Variants in ZMYND8 observed in about 807,000 individuals in gnomAD.
ZMYND8 encodes MYND-type zinc finger-containing chromatin reader ZMYND8.
A neutral mutation model predicts 140.8 loss-of-function variants in ZMYND8; 37 were observed. The ratio of observed to expected loss-of-function variants is 0.26; its 90% CI spans 0.20 to 0.35. The LOEUF is 0.35. ZMYND8 is among the 10% of genes least tolerant of loss of function. ZMYND8 has a pLI of 1.00. For missense variants in ZMYND8, 1,068 were observed against 1,570.0 expected (o/e 0.68, Z 5.40); for synonymous variants, 592 against 597.1 (o/e 0.99, Z 0.12).
At chr20:47,319,031 A>G in intron 2 of ZMYND8, 2 of 1,351,114 alleles carry the variant, frequency 1.5e-6, no homozygotes, top group South Asian at 1.1e-5. Flanking sequence ...CACAGCAGAC[A>G]TTCCTGCTTC....
intron 2 of ZMYND8, among the ~76,000 whole-genome samples, chr20:47,334,286 G>GT (rs369104680): frequency 9.7e-4 from 148 of 152,264 alleles, no homozygotes; most frequent in African/African-American, 3.5e-3. Context: ...TGTTTGTACT[G>GT]AACTGTCACT....
intron 8 of ZMYND8, among the ~76,000 whole-genome samples, chr20:47,284,161 G>A (rs990701763): frequency 2.6e-5 from 4 of 152,100 alleles, no homozygotes; most frequent in Non-Finnish European, 2.9e-5. Context: ...GGCCTCAAGC[G>A]ATCCACCCGT....
chr20:47,302,925 C>T (rs2078176965), intron 3 of ZMYND8, among the ~76,000 whole-genome samples: 1 of 152,226 alleles, frequency 6.6e-6, no homozygotes, highest in South Asian at 2.1e-4. Context: ...ACACTGGGGG[C>T]CAGAAAAGTA....
At chr20:47,345,648 T>C (rs974232656) in intron 2 of ZMYND8, among the ~76,000 whole-genome samples, 3 of 151,970 alleles carry the variant, frequency 2.0e-5, no homozygotes, top group Admixed American at 2.0e-4. Flanking sequence ...ACTGGGATTA[T>C]AGGCACATGC....
chr20:47,306,516 A>T (rs1487724592), intron 3 of ZMYND8, among the ~76,000 whole-genome samples: 1 of 151,786 alleles, frequency 6.6e-6, no homozygotes, highest in African/African-American at 2.4e-5. Context: ...CTCATCCCAT[A>T]TTTTCACATG....
intron 5 of ZMYND8, among the ~76,000 whole-genome samples, chr20:47,292,617 A>T (rs1392249261): frequency 6.6e-6 from 1 of 151,498 alleles, no homozygotes; most frequent in Non-Finnish European, 1.5e-5. Flanking sequence ...TTTTTTTTTT[A>T]AAGATATAAA....
At chr20:47,303,928 A>T (rs892952676) in intron 3 of ZMYND8, among the ~76,000 whole-genome samples, 1 of 152,210 alleles carries the variant, frequency 6.6e-6, no homozygotes, top group Non-Finnish European at 1.5e-5. Context: ...TCCTTTCCTG[A>T]AACAGCAGCA....
At chr20:47,320,955 G>A (rs1353207259) in intron 2 of ZMYND8, among the ~76,000 whole-genome samples, 1 of 152,166 alleles carries the variant, frequency 6.6e-6, no homozygotes, top group Non-Finnish European at 1.5e-5. Context: ...GCATAGACGG[G>A]CATGGTCCAA....
rs533625654 is a variant in ZMYND8, at chr20:47,298,014, C to G, written c.453+715G>C. Among the ~76,000 whole-genome samples the G allele has an allele frequency of 1.3e-5, 2 of 152,316 alleles. No homozygotes were observed. Among genetic ancestry groups the G allele is most frequent in the East Asian group, 3.9e-4 (2 of 5,182 alleles). ...GGCTCACTCCTCTCTTTCATCAAGTCTTTCTCAAATTTTAGTGAGGCTTTC... is the reference window on the plus strand; with the variant it reads ...GGCTCACTCCTCTCTTTCATCAAGTGTTTCTCAAATTTTAGTGAGGCTTTC... On this transcript the variant is annotated intron_variant, in intron 4 of 22. Transcript: ENST00000471951. This position sits in a 1 kb window ranked among gnomAD's most constrained non-coding sequence, Gnocchi z 5.0.
At chr20:47,282,322 T>C (rs1192044923) in intron 9 of ZMYND8, 105 bp from the exon 10 acceptor site, 3 of 933,584 alleles carry the variant, frequency 3.2e-6, no homozygotes, top group African/African-American at 3.3e-5. Context: ...ACACAGGCCA[T>C]GAGTGGAAAA....
chr20:47,283,706 T>C, intron 8 of ZMYND8, 58 bp from the exon 9 acceptor site: 1 of 1,515,318 alleles, frequency 6.6e-7, no homozygotes, highest in Non-Finnish European at 9.1e-7. Context: ...CTTGTGGACC[T>C]CAATCAATGC....
intron 2 of ZMYND8, among the ~76,000 whole-genome samples, chr20:47,315,002 C>T (rs764925125): frequency 2.6e-5 from 4 of 152,188 alleles, no homozygotes; most frequent in African/African-American, 4.8e-5. Context: ...GGAGTCATAG[C>T]TTCCTTCACC....
chr20:47,276,267 C>T lies in ZMYND8; in HGVS notation c.1480+47G>A, dbSNP rs1278507050. ...CACCAAGTGTGCACCCATGGGAAAC[C>T]CCCGTGTCCAAGGGGCCTCCTCCCC... On this transcript the variant is annotated intron_variant, in intron 11 of 22. Transcript: ENST00000471951. The T allele has an allele frequency of 7.4e-6, 11 of 1,491,952 alleles. No individual in the cohort carries two copies. In the Middle Eastern group the frequency reaches 9.7e-4, roughly 132 times the overall value. The allele number at this position is 1,491,952 out of a possible 1,614,324, so 92.4% of individuals were successfully genotyped here.
At chr20:47,292,595 A>G (rs913064581) in intron 5 of ZMYND8, among the ~76,000 whole-genome samples, 6 of 152,194 alleles carry the variant, frequency 3.9e-5, no homozygotes, top group Non-Finnish European at 8.8e-5. Context: ...ATAATCTCAA[A>G]GCAAAAGCTT....
rs540444051 is a variant in ZMYND8, at chr20:47,270,063, G to A, written c.1480+6251C>T. Among the ~76,000 whole-genome samples, 15 of 152,176 alleles carry A rather than the reference G, an allele frequency of 9.9e-5. No individual in the cohort carries two copies. The South Asian group carries it at 2.9e-3, about 30-fold the overall frequency. On this transcript the variant is annotated intron_variant, in intron 11 of 22. Transcript: ENST00000471951. ...GTTTGAGACTAGCCTGGGTAACACA[G>A]CAAGACATCATCTATACTAGGTGTA...
chr20:47,246,040 T>G lies in ZMYND8; in HGVS notation c.2252A>C (p.Lys751Thr). The change falls in exon 14 of 23, where the codon AAG becomes ACG. Residue 751 changes from lysine to threonine, a missense_variant. Around this residue, in one of 10 missense-constraint regions of ZMYND8, gnomAD observed 383 missense variants for 431.2 expected, o/e 0.89. Transcript: ENST00000471951. Reference sequence around the variant, plus strand: ...TTTGGGAGATGGTTCTTTGGGTTCCTTCTTATTTTTTCGACCCTCCCGCCC... The same window carrying G: ...TTTGGGAGATGGTTCTTTGGGTTCCGTCTTATTTTTTCGACCCTCCCGCCC... ...HSGREGRKNK[K>T]EPKEPSPKQD... 3 of 1,605,940 alleles carry G rather than the reference T, an allele frequency of 1.9e-6. No individual in the cohort carries two copies. The highest frequency in any genetic ancestry group is 2.5e-6 in the Non-Finnish European group (3 of 1,177,538).
chr20:47,325,033 T>C (rs2148394540), intron 2 of ZMYND8, among the ~76,000 whole-genome samples: 1 of 152,224 alleles, frequency 6.6e-6, no homozygotes, highest in South Asian at 2.1e-4. Flanking sequence ...GCCTCTCGAG[T>C]AGCTGGGACT....
intron 1 of ZMYND8, 166 bp downstream of exon 1, chr20:47,356,491 T>C (rs1277910839): frequency 3.8e-6 from 6 of 1,593,608 alleles, no homozygotes; most frequent in East Asian, 4.5e-5. Flanking sequence ...TACTGAGCCA[T>C]GTGACCCAAG....
In ZMYND8 at chr20:47,327,822, T is replaced by G. The variant is rs573297314; in HGVS notation, c.86-17618A>C. Among the ~76,000 whole-genome samples, 4 of 152,308 alleles carry G rather than the reference T, an allele frequency of 2.6e-5. No homozygotes were observed. The South Asian group carries it at 8.3e-4, about 32-fold the overall frequency. ...AAATCTATAACTTATTGTTTTTTTG[T>G]TTGTTTTTCCAGAAACAGGTCTTGC... On this transcript the variant is annotated intron_variant, in intron 2 of 22. Transcript: ENST00000471951.
Sources: gnomAD v4.1 joint callset for allele counts (sites outside exome capture counted in the v4.1 genomes callset) on GRCh38, gnomAD v4.1.1 for gene constraint, gnomAD v4.1.1 regional missense constraint, Gnocchi (gnomAD v3.1) non-coding constraint, MANE v1.5 for transcripts, NCBI Gene and HGNC (gene_info 2026-07-23, HGNC 2026-07-21) for gene names.